ZNF136: variants seen among roughly 807,000 people sequenced by gnomAD.
The protein encoded by ZNF136 is zinc finger protein 136 (clone pHZ-20).
Under a neutral mutation model 11.4 loss-of-function variants are expected in ZNF136, and 8 were observed. That is an observed-to-expected ratio of 0.70 (90% CI 0.41 to 1.27). The LOEUF is 1.27. Among genes scored for constraint, ZNF136 ranks in the 50% most tolerant of loss-of-function variants. The pLI, the probability that ZNF136 is intolerant of heterozygous loss-of-function variation, is 0.01. For synonymous variants in ZNF136, 190 were observed against 207.1 expected, an observed-to-expected ratio of 0.92 and a Z score of 0.71; for missense variants, 590 against 656.5, an observed-to-expected ratio of 0.90 and a Z score of 1.11.
intron 1 of ZNF136, among the ~76,000 whole-genome samples, chr19:12,174,881 G>A (rs914184625): frequency 9.9e-5 from 12 of 120,662 alleles, no homozygotes; most frequent in East Asian, 5.1e-4. Flanking sequence ...TTTTTGAGAC[G>A]GAATCTTGCT....
Position 12,186,182 on chromosome 19 carries a change from G to T in ZNF136, c.191+8G>T. 1 of 1,605,118 alleles carries T rather than the reference G, an allele frequency of 6.2e-7. No individual in the cohort carries two copies. Among genetic ancestry groups the T allele is most frequent in the Non-Finnish European group, 8.5e-7 (1 of 1,177,470 alleles). On this transcript the variant is annotated splice_region_variant and intron_variant, in intron 3 of 3. Coordinates refer to ENST00000343979, the MANE Select transcript of ZNF136 (RefSeq NM_003437.5). ...CCGAGGGAGAAATCTAAGGTAATTT[G>T]TACTCAGAGAAAGCAAATTCACTTG...
intron 1 of ZNF136, among the ~76,000 whole-genome samples, chr19:12,176,186 A>G (rs1231782282): frequency 1.3e-5 from 2 of 152,078 alleles, no homozygotes; most frequent in African/African-American, 4.8e-5. Flanking sequence ...GGATAAACCT[A>G]CCTTTGGTCT....
intron 3 of ZNF136, 51 bp downstream of exon 3, chr19:12,186,225 C>G (rs1376929555): frequency 6.5e-7 from 1 of 1,540,538 alleles, no homozygotes. Flanking sequence ...CTTAGCATGT[C>G]ATGAAATTTT....
chr19:12,187,438 C>T lies in ZNF136; in HGVS notation c.1060C>T (p.His354Tyr), dbSNP rs1385096557. The T allele has an allele frequency of 1.2e-6, 2 of 1,613,784 alleles. No individual in the cohort carries two copies. The highest frequency in any genetic ancestry group is 1.7e-6 in the Non-Finnish European group (2 of 1,179,966). ...TAGATCTGCCAGTACCTTTCAAATA[C>T]ATGAAAGGACTCACACTGGAGAAAA... Reference protein sequence around the residue: ...AFRSASTFQIHERTHTGEKPY... With the variant: ...AFRSASTFQIYERTHTGEKPY... The change falls in exon 4 of 4, where the codon CAT becomes TAT. Residue 354 changes from histidine (H) to tyrosine (Y), a missense_variant. Coordinates refer to ENST00000343979, the MANE Select transcript of ZNF136 (RefSeq NM_003437.5).
intron 1 of ZNF136, among the ~76,000 whole-genome samples, chr19:12,176,364 TTGCCCAGGTG>T (rs1173633783): frequency 3.9e-5 from 6 of 152,134 alleles, no homozygotes; most frequent in African/African-American, 1.4e-4. Context: ...TTCGCTCTTG[TTGCCCAGGTG>T]GGACTGCAGT....
At chr19:12,165,824 T>C (rs1481290498) in intron 1 of ZNF136, among the ~76,000 whole-genome samples, 1 of 152,244 alleles carries the variant, frequency 6.6e-6, no homozygotes, top group East Asian at 1.9e-4. Context: ...TTTTGGGACA[T>C]GGACCAATGT....
intron 1 of ZNF136, among the ~76,000 whole-genome samples, chr19:12,166,332 C>CTG (rs986511801): frequency 6.6e-6 from 1 of 152,090 alleles, no homozygotes; most frequent in African/African-American, 2.4e-5. Context: ...TTTGTCAGAT[C>CTG]TGTGTTCTGT....
chr19:12,178,603 A>G (rs1914856315), intron 1 of ZNF136, among the ~76,000 whole-genome samples: 1 of 152,116 alleles, frequency 6.6e-6, no homozygotes, highest in African/African-American at 2.4e-5. Flanking sequence ...TGTCTTTTTC[A>G]TTTGCTGCTA....
At chr19:12,174,328 G>T (rs1235592453) in intron 1 of ZNF136, among the ~76,000 whole-genome samples, 1 of 152,164 alleles carries the variant, frequency 6.6e-6, no homozygotes, top group Non-Finnish European at 1.5e-5. Flanking sequence ...ATATGCAGAG[G>T]GTTGAATATT....
At chr19:12,176,668 A>G (rs1914801650) in intron 1 of ZNF136, among the ~76,000 whole-genome samples, 1 of 152,094 alleles carries the variant, frequency 6.6e-6, no homozygotes, top group Non-Finnish European at 1.5e-5. Flanking sequence ...CAGATCTCCT[A>G]GTGGGTGCTG....
intron 1 of ZNF136, among the ~76,000 whole-genome samples, chr19:12,172,053 A>G (rs1599453859): frequency 7.0e-6 from 1 of 142,972 alleles, no homozygotes; most frequent in Non-Finnish European, 1.5e-5. Context: ...ATGTTGGCTC[A>G]TTGCAGCCTT....
At position 12,186,858 on chromosome 19, in the gene ZNF136, A is replaced by G; in HGVS notation, c.480A>G (p.Ile160Met). Residue 160 changes from isoleucine (I) to methionine (M), a missense_variant, in exon 4 of 4, where the codon ATA becomes ATG. By Grantham distance (10) the Ile-to-Met change is conservative (BLOSUM62 1). Coordinates refer to ENST00000343979, the MANE Select transcript of ZNF136 (RefSeq NM_003437.5). ...SSHHSFRTHE[I>M]IHTGEKLYDC... ...ACCACTCCTTTCGAACACATGAGAT[A>G]ATTCACACTGGAGAGAAACTCTATG... The G allele has an allele frequency of 1.2e-6, 2 of 1,614,118 alleles. No homozygotes were observed. Among genetic ancestry groups the G allele is most frequent in the Non-Finnish European group, 1.7e-6 (2 of 1,180,002 alleles).
At chr19:12,163,314 C>T (rs998921274) in intron 1 of ZNF136, 108 bp downstream of exon 1, 4 of 1,270,524 alleles carry the variant, frequency 3.1e-6, no homozygotes, top group Non-Finnish European at 3.1e-6. Flanking sequence ...TCTGGGTCTG[C>T]GTACCGAGTC....
At chr19:12,174,266 T>C (rs981758701) in intron 1 of ZNF136, among the ~76,000 whole-genome samples, 21 of 152,182 alleles carry the variant, frequency 1.4e-4, no homozygotes, top group African/African-American at 4.8e-4. Flanking sequence ...CCTTTTGTGT[T>C]GATAGTTGTG....
rs903490823 is a variant in ZNF136, at chr19:12,188,234, A to G, written c.*233A>G. 9 of 380,356 alleles carry G rather than the reference A, an allele frequency of 2.4e-5. No homozygotes were observed. Among genetic ancestry groups the G allele is most frequent in the Non-Finnish European group, 3.7e-5 (8 of 215,060 alleles). 23.6% of individuals were successfully genotyped at this position (380,356 alleles called of 1,614,324 possible). ...AAAACCAAACAAATGCTTTTTGGAAAGGAACCCATATTTGAGAGAAACCCT... is the reference window on the plus strand; with the variant it reads ...AAAACCAAACAAATGCTTTTTGGAAGGGAACCCATATTTGAGAGAAACCCT... On this transcript the variant is annotated 3_prime_UTR_variant, in exon 4 of 4. Coordinates refer to ENST00000343979, the MANE Select transcript of ZNF136 (RefSeq NM_003437.5).
In ZNF136 at chr19:12,182,047, C is replaced by T. The variant is rs184179776; in HGVS notation, c.4-3738C>T. The stretch of plus-strand genomic sequence containing the variant: ...TTGGCCTCCCAAAGTGCTGGAATTA[C>T]AGGTGTGAGTCACCATGCCCAGCTG... On this transcript the variant is annotated intron_variant, in intron 1 of 3. Coordinates refer to ENST00000343979, the MANE Select transcript of ZNF136 (RefSeq NM_003437.5). Among the ~76,000 whole-genome samples the T allele has an allele frequency of 2.2e-4, 34 of 151,994 alleles. No individual in the cohort carries two copies. The East Asian group carries it at 6.4e-3, about 29-fold the overall frequency.
In ZNF136 at chr19:12,186,574, CAT is replaced by C; in HGVS notation, c.199_200del (p.Met67ValfsTer8). 6.3e-7 allele frequency: 1 copy of C among 1,599,136 alleles called. No individual in the cohort carries two copies. The highest frequency in any genetic ancestry group is 8.5e-7 in the Non-Finnish European group (1 of 1,172,474). On this transcript the variant is annotated frameshift_variant, in exon 4 of 4. Transcript: ENST00000343979. LOFTEE classifies it low-confidence loss of function (END_TRUNC). ...YKHRGRNLRSHMLERLYQTKD... is the reference protein window; with the variant it reads ...YKHRGRNLRSXMLERLYQTKD... Reference sequence around the variant, plus strand: ...TGTCCGTCTCATTTTTTACAGAAGTCATATGTTAGAAAGACTCTATCAAACTA... The same window carrying C: ...TGTCCGTCTCATTTTTTACAGAAGTCATGTTAGAAAGACTCTATCAAACTA...
intron 1 of ZNF136, among the ~76,000 whole-genome samples, chr19:12,174,857 CTTT>C (rs538143217): frequency 8.0e-5 from 7 of 87,232 alleles, no homozygotes; most frequent in African/African-American, 1.8e-4. Context: ...GGATGGCTTT[CTTT>C]TTTTTTTTTT....
Position 12,163,124 on chromosome 19 carries a change from C to A in ZNF136, c.-80C>A. On this transcript the variant is annotated 5_prime_UTR_variant, in exon 1 of 4. Transcript: ENST00000343979. ...AGTCCCAGAGGCCCAGAGTGGCTCG[C>A]CTGGAGTCTCTGTGGCGCGGTTTCC... 1 of 1,379,016 alleles carries A rather than the reference C, an allele frequency of 7.3e-7. No homozygotes were observed. Among genetic ancestry groups the A allele is most frequent in the Non-Finnish European group, 9.5e-7 (1 of 1,057,176 alleles). The allele number at this position is 1,379,016 out of a possible 1,614,324, so 85.4% of individuals were successfully genotyped here.
Sources: allele counts gnomAD v4.1 joint callset (sites outside exome capture counted in the v4.1 genomes callset), GRCh38; gene constraint gnomAD v4.1.1; transcripts MANE v1.5; gene names NCBI Gene and HGNC (gene_info 2026-07-23, HGNC 2026-07-21).